The following LSAMP variants were observed in gnomAD, a reference collection of about 807,000 sequenced individuals.
LSAMP encodes the protein limbic system associated membrane protein.
A neutral mutation model predicts 38.6 loss-of-function variants in LSAMP; 7 were observed. The observed-to-expected ratio is 0.18, with a 90% CI of 0.10 to 0.34. The LOEUF is 0.34. Ranked by LOEUF, LSAMP falls within the 10% of genes least tolerant of loss-of-function variation. The pLI is 1.00. For missense variants in LSAMP, 313 were observed against 420.0 expected, an observed-to-expected ratio of 0.75 and a Z score of 2.23; for synonymous variants, 154 against 166.8, an observed-to-expected ratio of 0.92 and a Z score of 0.59.
At chr3:116,297,542 A>G (rs1224495444) in intron 1 of LSAMP, among the ~76,000 whole-genome samples, 1 of 152,164 alleles carries the variant, frequency 6.6e-6, no homozygotes, top group Non-Finnish European at 1.5e-5. Context: ...CATATTTTCT[A>G]TTGACTTGAC....
At chr3:116,393,288 T>C (rs528066537) in intron 1 of LSAMP, among the ~76,000 whole-genome samples, 1 of 152,270 alleles carries the variant, frequency 6.6e-6, no homozygotes, top group South Asian at 2.1e-4. Context: ...CCCCTGTGGT[T>C]CCTGGTATCT....
In LSAMP at chr3:115,804,296, A is replaced by G. The variant is rs1933580926; in HGVS notation, c.*6021T>C. 6.6e-6 allele frequency: 1 copy of G among 152,244 alleles called. No homozygotes were observed. Among genetic ancestry groups the G allele is most frequent in the Non-Finnish European group, 1.5e-5 (1 of 68,040 alleles). The allele number at this position is 152,244 out of a possible 1,614,324, so 9.4% of individuals were successfully genotyped here. ...CTAAGTGAATATTAAATTCTTATTC[A>G]GAATAAAGGTTAGAGTTGAAAGAGA... On this transcript the variant is annotated 3_prime_UTR_variant, in exon 7 of 7. Coordinates refer to ENST00000490035, the MANE Select transcript of LSAMP (RefSeq NM_002338.5).
chr3:116,382,008 G>T (rs2048565382), intron 1 of LSAMP, among the ~76,000 whole-genome samples: 2 of 152,024 alleles, frequency 1.3e-5, no homozygotes, highest in South Asian at 4.1e-4. Flanking sequence ...AACATAAAAA[G>T]AACATATAGC....
chr3:116,238,507 A>C (rs1343683827), intron 1 of LSAMP, among the ~76,000 whole-genome samples: 2 of 152,192 alleles, frequency 1.3e-5, no homozygotes, highest in Non-Finnish European at 2.9e-5. Flanking sequence ...CAGACAGCAC[A>C]TTTTGAGTCC....
chr3:116,265,393 A>ACAT (rs1289676792), intron 1 of LSAMP, among the ~76,000 whole-genome samples: 1 of 152,178 alleles, frequency 6.6e-6, no homozygotes, highest in Non-Finnish European at 1.5e-5. Flanking sequence ...TAGCAGATTT[A>ACAT]CATCTATCTT....
At chr3:116,040,189 A>G (rs1311728352) in intron 2 of LSAMP, among the ~76,000 whole-genome samples, 33 of 152,322 alleles carry the variant, frequency 2.2e-4, no homozygotes, top group Non-Finnish European at 4.4e-5. Context: ...CAGGCAAAAC[A>G]CTATGATTCT....
chr3:116,044,250 T>G (rs906596793), intron 2 of LSAMP, among the ~76,000 whole-genome samples: 1 of 152,202 alleles, frequency 6.6e-6, no homozygotes, highest in African/African-American at 2.4e-5. Context: ...TGTATCAAAA[T>G]TTCTGAAAGC....
At chr3:115,928,973 G>GTTTGTTT (rs1553750016) in intron 3 of LSAMP, among the ~76,000 whole-genome samples, 3 of 109,926 alleles carry the variant, frequency 2.7e-5, no homozygotes, top group Non-Finnish European at 5.3e-5. Context: ...TTTTTTGTTT[G>GTTTGTTT]TTTTTTTTTT....
chr3:116,030,053 T>C (rs149391913), intron 2 of LSAMP, among the ~76,000 whole-genome samples: 27 of 152,296 alleles, frequency 1.8e-4, no homozygotes, highest in African/African-American at 5.3e-4. Context: ...GTAGCTCATT[T>C]ATATACCAAC....
rs115062635 is a variant in LSAMP, at chr3:116,338,380, C to T, written c.155+106497G>A. ...AAATGCCCTTTCAGCCTCAAATCTACAGAAATATCTTTATCCTCCCCAGCT... is the reference window on the plus strand; with the variant it reads ...AAATGCCCTTTCAGCCTCAAATCTATAGAAATATCTTTATCCTCCCCAGCT... On this transcript the variant is annotated intron_variant, in intron 1 of 6. Transcript: ENST00000490035. Among the ~76,000 whole-genome samples, 972 of 152,120 alleles carry T rather than the reference C, an allele frequency of 6.4e-3. 4 individuals carry two copies. Among genetic ancestry groups the T allele is most frequent in the Non-Finnish European group, 0.011 (763 of 67,948 alleles).
intron 1 of LSAMP, among the ~76,000 whole-genome samples, chr3:116,089,788 G>A (rs1343311792): frequency 1.3e-5 from 2 of 150,924 alleles, no homozygotes; most frequent in African/African-American, 2.4e-5. Context: ...ATATCTCAAT[G>A]GAAAAAAAAT....
At chr3:116,200,351 G>T (rs767169334) in intron 1 of LSAMP, among the ~76,000 whole-genome samples, 2 of 152,164 alleles carry the variant, frequency 1.3e-5, no homozygotes, top group Non-Finnish European at 2.9e-5. Context: ...GTATCATCTG[G>T]ATATTGTTCC....
chr3:115,915,904 A>T (rs992874505), intron 3 of LSAMP, among the ~76,000 whole-genome samples: 59 of 152,080 alleles, frequency 3.9e-4, no homozygotes, highest in Non-Finnish European at 7.6e-4. Flanking sequence ...GTGCTGAAAT[A>T]TCTTTTACTA....
intron 3 of LSAMP, among the ~76,000 whole-genome samples, chr3:116,000,737 G>T (rs1435239688): frequency 6.6e-6 from 1 of 152,114 alleles, no homozygotes; most frequent in Non-Finnish European, 1.5e-5. Context: ...CTGTATGACA[G>T]GTTCATAACC....
intron 1 of LSAMP, among the ~76,000 whole-genome samples, chr3:116,432,031 T>C (rs1024001230): frequency 6.6e-6 from 1 of 152,044 alleles, no homozygotes; most frequent in African/African-American, 2.4e-5. Flanking sequence ...AAACATTGTC[T>C]GACTCCCCTT....
Position 115,939,434 on chromosome 3 carries a change from A to G in LSAMP, c.514+80081T>C, listed in dbSNP as rs147044815. ...TTGTTTGATGTAGTCCTACTTGTTT[A>G]TTTTTGCTTCTATTGCCTGTGCTTT... On this transcript the variant is annotated intron_variant, in intron 3 of 6. Coordinates refer to ENST00000490035, the MANE Select transcript of LSAMP (RefSeq NM_002338.5). 1.5e-3 allele frequency among the ~76,000 whole-genome samples: 231 copies of G among 152,138 alleles called. 9 individuals are homozygous for G. The East Asian group carries it at 0.04, about 26-fold the overall frequency.
chr3:115,958,931 C>T (rs1180731597), intron 3 of LSAMP, among the ~76,000 whole-genome samples: 1 of 152,098 alleles, frequency 6.6e-6, no homozygotes, highest in African/African-American at 2.4e-5. Flanking sequence ...GTAGGCCACC[C>T]ATAGGCTATG....
intron 1 of LSAMP, among the ~76,000 whole-genome samples, chr3:116,091,801 CTAA>C (rs1708129765): frequency 6.6e-6 from 1 of 152,170 alleles, no homozygotes; most frequent in African/African-American, 2.4e-5. Flanking sequence ...GAACCGGACC[CTAA>C]TGACAATGGG....
chr3:115,855,978 C>T (rs991165213), intron 3 of LSAMP, among the ~76,000 whole-genome samples: 3 of 152,150 alleles, frequency 2.0e-5, no homozygotes, highest in Non-Finnish European at 2.9e-5. Context: ...TCCCACAATG[C>T]ATTATCTCTA....
Sources: gnomAD v4.1 joint callset for allele counts (sites outside exome capture counted in the v4.1 genomes callset) on GRCh38, gnomAD v4.1.1 for gene constraint, MANE v1.5 for transcripts, NCBI Gene and HGNC (gene_info 2026-07-23, HGNC 2026-07-21) for gene names.